The following ARSB variants were observed in gnomAD, a reference collection of about 807,000 sequenced individuals.
ARSB encodes N-acetylgalactosamine-4-sulfatase.
In ARSB, 41 loss-of-function variants were observed where a neutral mutation model predicts 50.9. The observed-to-expected ratio is 0.81, with a 90% CI of 0.63 to 1.04. The LOEUF (loss-of-function observed/expected upper bound fraction) is 1.04. Ranked by LOEUF, ARSB falls within the 50% of genes least tolerant of loss-of-function variation. The pLI, the probability that ARSB is intolerant of heterozygous loss-of-function variation, is 0.00. For missense variants in ARSB, 672 were observed against 693.3 expected, an observed-to-expected ratio of 0.97 and a Z score of 0.35; for synonymous variants, 269 against 284.8, an observed-to-expected ratio of 0.94 and a Z score of 0.56.
chr5:78,925,869 T>C (rs1750020371), intron 4 of ARSB, among the ~76,000 whole-genome samples: 1 of 152,154 alleles, frequency 6.6e-6, no homozygotes. Context: ...AGATAAAGCA[T>C]GCTCCAGAAC....
At chr5:78,912,433 A>C (rs1489155820) in intron 4 of ARSB, among the ~76,000 whole-genome samples, 6 of 152,240 alleles carry the variant, frequency 3.9e-5, no homozygotes, top group Non-Finnish European at 8.8e-5. Flanking sequence ...TGGGACTCAA[A>C]GTGAATTAAA....
intron 4 of ARSB, among the ~76,000 whole-genome samples, chr5:78,907,495 C>T (rs1191275191): frequency 6.6e-6 from 1 of 152,188 alleles, no homozygotes; most frequent in Admixed American, 6.5e-5. Flanking sequence ...TGTCGGAACT[C>T]AGCTGGTTGC....
At chr5:78,860,854 T>C (rs1011391851) in intron 5 of ARSB, among the ~76,000 whole-genome samples, 1 of 151,642 alleles carries the variant, frequency 6.6e-6, no homozygotes, top group African/African-American at 2.4e-5. Context: ...ACAAAATTGA[T>C]AGACCACTAG....
chr5:78,971,455 T>C (rs1433540446), intron 1 of ARSB, among the ~76,000 whole-genome samples: 1 of 152,190 alleles, frequency 6.6e-6, no homozygotes, highest in African/African-American at 2.4e-5. Context: ...CCACGGCTGG[T>C]CCCTTCATCA....
At chr5:78,983,988 A>G (rs1227330468) in intron 1 of ARSB, among the ~76,000 whole-genome samples, 6 of 152,166 alleles carry the variant, frequency 3.9e-5, no homozygotes. Flanking sequence ...TATGGTCATA[A>G]TAACTTCAGG....
intron 5 of ARSB, among the ~76,000 whole-genome samples, chr5:78,869,959 C>G (rs1267805294): frequency 6.6e-6 from 1 of 150,834 alleles, no homozygotes; most frequent in Non-Finnish European, 1.5e-5. Flanking sequence ...CAAATAGACA[C>G]AATAAAAAAT....
chr5:78,971,865 T>C (rs1261096499), intron 1 of ARSB, among the ~76,000 whole-genome samples: 1 of 152,244 alleles, frequency 6.6e-6, no homozygotes, highest in Non-Finnish European at 1.5e-5. Flanking sequence ...ACTTGAAGTG[T>C]GTACAGTTCA....
At chr5:78,964,970 T>A (rs1357626513) in intron 2 of ARSB, among the ~76,000 whole-genome samples, 1 of 152,202 alleles carries the variant, frequency 6.6e-6, no homozygotes, top group Non-Finnish European at 1.5e-5. Context: ...AGGTTTTTAC[T>A]CTAAGGTGAT....
intron 4 of ARSB, among the ~76,000 whole-genome samples, chr5:78,926,636 T>C (rs1750067900): frequency 6.6e-6 from 1 of 152,216 alleles, no homozygotes; most frequent in Non-Finnish European, 1.5e-5. Flanking sequence ...CCAAAGTACA[T>C]TAAACAGACA....
At chr5:78,842,605 G>A (rs1003313421) in intron 5 of ARSB, among the ~76,000 whole-genome samples, 12 of 152,054 alleles carry the variant, frequency 7.9e-5, no homozygotes, top group African/African-American at 2.9e-4. Flanking sequence ...AGAAAGGGAA[G>A]TTCAGTAAAT....
intron 4 of ARSB, among the ~76,000 whole-genome samples, chr5:78,949,551 C>T (rs1281429313): frequency 2.0e-5 from 3 of 152,178 alleles, no homozygotes; most frequent in African/African-American, 7.2e-5. Flanking sequence ...GAAAGAAATG[C>T]AAATTAGGTT....
At chr5:78,806,442 G>A (rs576657239) in intron 6 of ARSB, among the ~76,000 whole-genome samples, 1 of 152,272 alleles carries the variant, frequency 6.6e-6, no homozygotes, top group South Asian at 2.1e-4. Context: ...GAAACTTACA[G>A]GGAACAAAAT....
chr5:78,944,027 T>C (rs569378958), intron 4 of ARSB, among the ~76,000 whole-genome samples: 1 of 152,362 alleles, frequency 6.6e-6, no homozygotes, highest in African/African-American at 2.4e-5. Context: ...TTACATTCAT[T>C]TGATCTTGAA....
At chr5:78,798,704 C>G (rs1319136601) in intron 6 of ARSB, among the ~76,000 whole-genome samples, 1 of 152,206 alleles carries the variant, frequency 6.6e-6, no homozygotes, top group African/African-American at 2.4e-5. Flanking sequence ...GGGCCCTGCC[C>G]ACGGAATCAG....
chr5:78,939,846 G>A (rs533415073), intron 4 of ARSB, among the ~76,000 whole-genome samples: 2 of 152,270 alleles, frequency 1.3e-5, no homozygotes, highest in East Asian at 3.9e-4. Flanking sequence ...AGATCCCTGA[G>A]GAATCGCCAC....
intron 5 of ARSB, among the ~76,000 whole-genome samples, chr5:78,840,174 G>A (rs1222582928): frequency 6.6e-6 from 1 of 152,188 alleles, no homozygotes; most frequent in Non-Finnish European, 1.5e-5. Context: ...TAGGCACCCA[G>A]GTCATTTTGC....
chr5:78,973,167 G>C (rs1238955834), intron 1 of ARSB, among the ~76,000 whole-genome samples: 2 of 152,098 alleles, frequency 1.3e-5, no homozygotes, highest in Non-Finnish European at 1.5e-5. Flanking sequence ...AAAAAATAAG[G>C]GTGCCCTGAT....
rs529629937 is a variant in ARSB at position 78,892,906 on chromosome 5, G to A, written c.899-7079C>T. ...GGAGAATGTCCAGCTGGGCTAGCAA[G>A]AGGAGGGTTCTGGTGGAGTGCGACT... On this transcript the variant is annotated intron_variant, in intron 4 of 7. Coordinates refer to ENST00000264914, the MANE Select transcript of ARSB (RefSeq NM_000046.5). Among the ~76,000 whole-genome samples, 5 of 152,324 alleles carry A rather than the reference G, an allele frequency of 3.3e-5. No individual in the cohort carries two copies. In the South Asian group the frequency reaches 6.2e-4, roughly 19 times the overall value.
chr5:78,843,585 TTTAAACTGCACAG>T lies in ARSB; in HGVS notation c.1143-4172_1143-4160del, dbSNP rs564194715. ...AATTTTAAAACCATACAATCACCCATTTAAACTGCACAGTTAAATGTTTTTGGTATATTCACAT... is the reference window on the plus strand; with the variant it reads ...AATTTTAAAACCATACAATCACCCATTTAAATGTTTTTGGTATATTCACAT... On this transcript the variant is annotated intron_variant, in intron 5 of 7. Coordinates refer to ENST00000264914, the MANE Select transcript of ARSB (RefSeq NM_000046.5). Among the ~76,000 whole-genome samples, 275 of 152,316 alleles carry T rather than the reference TTTAAACTGCACAG, an allele frequency of 1.8e-3. 2 individuals carry two copies. The highest frequency in any genetic ancestry group is 6.3e-3 in the African/African-American group (260 of 41,578).
Sources: gnomAD v4.1 joint callset for allele counts (sites outside exome capture counted in the v4.1 genomes callset) on GRCh38, gnomAD v4.1.1 for gene constraint, MANE v1.5 for transcripts, NCBI Gene and HGNC (gene_info 2026-07-23, HGNC 2026-07-21) for gene names.